RYR2: variants seen among roughly 807,000 people sequenced by gnomAD.
The protein encoded by RYR2 is cardiac muscle ryanodine receptor-calcium release channel.
Under a neutral mutation model 601.1 loss-of-function variants are expected in RYR2, and 227 were observed. The observed-to-expected ratio is 0.38, with a 90% CI of 0.34 to 0.42. RYR2 has a LOEUF of 0.42. RYR2 is among the 10% of genes least tolerant of loss of function. The probability of loss-of-function intolerance (pLI) is 1.00; values close to 1 mark genes in which losing one functional copy is unlikely to be tolerated. For synonymous variants in RYR2, 2,223 were observed against 2,175.1 expected (o/e 1.02, Z -0.61); for missense variants, 4,646 against 6,156.5 (o/e 0.75, Z 8.21).
rs182882704 is a variant in RYR2 at position 237,779,555 on chromosome 1, C to T, written c.11880+785C>T. 1.6e-3 allele frequency among the ~76,000 whole-genome samples: 241 copies of T among 152,260 alleles called. 1 individual carries two copies. Among genetic ancestry groups the T allele is most frequent in the African/African-American group, 5.6e-3 (232 of 41,556 alleles). On this transcript the variant is annotated intron_variant, in intron 88 of 104. Transcript: ENST00000366574. The stretch of plus-strand genomic sequence containing the variant: ...CTGAGCTGCCATGACTTGTTCCACC[C>T]GTGTGGGCCAGGTCTCTCTTCCCTG...
chr1:237,714,719 G>A (rs766416931), intron 71 of RYR2, among the ~76,000 whole-genome samples: 3 of 152,072 alleles, frequency 2.0e-5, no homozygotes, highest in South Asian at 2.1e-4. Context: ...GGCTGGGTGC[G>A]GTGGCTCACG....
chr1:237,262,245 G>GTTTTTTGTTTTTTTTTTT, intron 1 of RYR2, among the ~76,000 whole-genome samples: 1 of 61,102 alleles, frequency 1.6e-5, no homozygotes, highest in East Asian at 1.0e-3. Context: ...GTTCTAAAGA[G>GTTTTTTGTTTTTTTTTTT]TTTTTTTTTT....
chr1:237,218,952 C>T (rs1264304915), intron 1 of RYR2, among the ~76,000 whole-genome samples: 1 of 151,722 alleles, frequency 6.6e-6, no homozygotes, highest in Non-Finnish European at 1.5e-5. Flanking sequence ...AGACGTGGAG[C>T]CAGTCAAGAG....
intron 10 of RYR2, among the ~76,000 whole-genome samples, chr1:237,401,516 C>T (rs1057014881): frequency 6.6e-6 from 1 of 150,680 alleles, no homozygotes; most frequent in Non-Finnish European, 1.5e-5. Context: ...CACATCAGAC[C>T]AGCTAAATGA....
chr1:237,439,842 AAT>A (rs910393201), intron 12 of RYR2, among the ~76,000 whole-genome samples: 3 of 152,180 alleles, frequency 2.0e-5, no homozygotes, highest in Middle Eastern at 3.4e-3. Flanking sequence ...AAAAAAAAAA[AAT>A]GTTAGAGGCT....
At chr1:237,394,841 T>G (rs1057255182) in intron 10 of RYR2, among the ~76,000 whole-genome samples, 4 of 151,936 alleles carry the variant, frequency 2.6e-5, no homozygotes, top group Non-Finnish European at 4.4e-5. Context: ...AAGACAAGAG[T>G]CTTAACTGGC....
Position 237,755,966 on chromosome 1 carries a change from A to C in RYR2, c.11146-322A>C, listed in dbSNP as rs367996456. ...AAACTTATGCACAAATGTATAAATC[A>C]GAAAGTGCAAGTTTCATTGATGAAG... On this transcript the variant is annotated intron_variant, in intron 80 of 104. Transcript: ENST00000366574. Among the ~76,000 whole-genome samples the C allele has an allele frequency of 1.2e-4, 19 of 152,194 alleles. No homozygotes were observed. In the East Asian group the frequency reaches 2.3e-3, roughly 18 times the overall value.
chr1:237,193,289 C>A (rs1307091132), intron 1 of RYR2, among the ~76,000 whole-genome samples: 8 of 151,668 alleles, frequency 5.3e-5, no homozygotes, highest in Non-Finnish European at 1.2e-4. Flanking sequence ...CATGGTGAAA[C>A]CCCGTCTCTA....
At chr1:237,074,255 T>G (rs778330439) in intron 1 of RYR2, among the ~76,000 whole-genome samples, 4 of 152,210 alleles carry the variant, frequency 2.6e-5, no homozygotes, top group African/African-American at 4.8e-5. Context: ...AGTTCAAGGC[T>G]GCAGTGAGCT....
chr1:237,125,018 C>T lies in RYR2; in HGVS notation c.48+82449C>T, dbSNP rs142159024. Among the ~76,000 whole-genome samples the T allele has an allele frequency of 1.6e-4, 25 of 152,270 alleles. No homozygotes were observed. In the East Asian group the frequency reaches 4.4e-3, roughly 27 times the overall value. ...AGCCGTTTTGAAGGCTGAGACTGAG[C>T]GAAAACTGGTAGAAACTAATTCATA... On this transcript the variant is annotated intron_variant, in intron 1 of 104. Transcript: ENST00000366574.
intron 1 of RYR2, among the ~76,000 whole-genome samples, chr1:237,099,242 T>A (rs1423296017): frequency 1.3e-5 from 2 of 151,926 alleles, no homozygotes; most frequent in African/African-American, 4.8e-5. Context: ...GATGGCTTTT[T>A]AAAAAAAATA....
At chr1:237,136,982 A>C (rs1423363733) in intron 1 of RYR2, among the ~76,000 whole-genome samples, 1 of 141,852 alleles carries the variant, frequency 7.0e-6, no homozygotes, top group Non-Finnish European at 1.5e-5. Flanking sequence ...ATGCCACTGC[A>C]CTCCAGCCTG....
intron 1 of RYR2, among the ~76,000 whole-genome samples, chr1:237,127,566 C>G (rs529414125): frequency 6.9e-6 from 1 of 144,572 alleles, no homozygotes; most frequent in East Asian, 2.1e-4. Context: ...GGGGGGCTGA[C>G]CCCCCCCACC....
intron 14 of RYR2, among the ~76,000 whole-genome samples, chr1:237,448,209 G>C (rs966832857): frequency 7.9e-5 from 12 of 152,128 alleles, no homozygotes; most frequent in Non-Finnish European, 1.8e-4. Context: ...TTACAGGCGT[G>C]AGGCACCACA....
intron 1 of RYR2, among the ~76,000 whole-genome samples, chr1:237,167,437 T>A (rs1334477039): frequency 6.6e-6 from 1 of 152,190 alleles, no homozygotes; most frequent in East Asian, 1.9e-4. Context: ...AGGGCTGTTT[T>A]GCTGAGTAGT....
At chr1:237,595,793 A>G in intron 34 of RYR2, 136 bp downstream of exon 34, 1 of 1,058,210 alleles carries the variant, frequency 9.4e-7, no homozygotes, top group Middle Eastern at 3.1e-4. Context: ...TCAGCCGAGC[A>G]GACCTGCCCC....
intron 1 of RYR2, among the ~76,000 whole-genome samples, chr1:237,232,284 G>A (rs1037833898): frequency 6.6e-6 from 1 of 152,154 alleles, no homozygotes; most frequent in Non-Finnish European, 1.5e-5. Flanking sequence ...CCGGGGAGGG[G>A]GAGAGGGTCT....
intron 56 of RYR2, among the ~76,000 whole-genome samples, chr1:237,666,034 G>C (rs1394321695): frequency 1.3e-5 from 2 of 152,052 alleles, no homozygotes; most frequent in Admixed American, 6.5e-5. Context: ...TCTCTTCCTC[G>C]AGGATTTCCA....
At chr1:237,192,380 T>G (rs989314422) in intron 1 of RYR2, among the ~76,000 whole-genome samples, 1 of 151,960 alleles carries the variant, frequency 6.6e-6, no homozygotes, top group Non-Finnish European at 1.5e-5. Context: ...CGGCTAATTT[T>G]TTTTTTGTAT....
Sources: allele counts gnomAD v4.1 joint callset (sites outside exome capture counted in the v4.1 genomes callset), GRCh38; gene constraint gnomAD v4.1.1; transcripts MANE v1.5; gene names NCBI Gene and HGNC (gene_info 2026-07-23, HGNC 2026-07-21).